The following KCNIP1 variants were observed in gnomAD, a reference collection of about 807,000 sequenced individuals.
KCNIP1 encodes the protein A-type potassium channel modulatory protein KCNIP1.
Under a neutral mutation model 33.0 loss-of-function variants are expected in KCNIP1, and 18 were observed. That is an observed-to-expected ratio of 0.55 (90% CI 0.38 to 0.81). The LOEUF (loss-of-function observed/expected upper bound fraction) is 0.81. KCNIP1 is among the 30% of genes least tolerant of loss of function. The probability of loss-of-function intolerance (pLI) is 0.00; values close to 1 mark genes in which losing one functional copy is unlikely to be tolerated. For synonymous variants in KCNIP1, 93 were observed against 98.3 expected, an observed-to-expected ratio of 0.95 and a Z score of 0.32; for missense variants, 238 against 271.6, an observed-to-expected ratio of 0.88 and a Z score of 0.87.
intron 1 of KCNIP1, among the ~76,000 whole-genome samples, chr5:170,514,137 A>G (rs1237819352): frequency 1.3e-5 from 2 of 152,164 alleles, no homozygotes; most frequent in Non-Finnish European, 2.9e-5. Flanking sequence ...AGTTACAGCT[A>G]GTTTCCCAAC....
At chr5:170,586,516 T>C (rs190838172) in intron 1 of KCNIP1, among the ~76,000 whole-genome samples, 13,155 of 152,240 alleles carry the variant, frequency 0.086, 633 homozygotes, top group South Asian at 0.12. Flanking sequence ...AAATTTACTG[T>C]CAGCAACAGG....
chr5:170,599,845 C>T (rs143435233), intron 1 of KCNIP1, among the ~76,000 whole-genome samples: 19 of 152,354 alleles, frequency 1.2e-4, no homozygotes, highest in African/African-American at 4.6e-4. Flanking sequence ...GTCAAACAAG[C>T]ACTTATTGAA....
At chr5:170,574,332 C>G (rs527382540) in intron 1 of KCNIP1, among the ~76,000 whole-genome samples, 1 of 152,298 alleles carries the variant, frequency 6.6e-6, no homozygotes, top group African/African-American at 2.4e-5. Flanking sequence ...ACTTGTAACA[C>G]TAAGCATTAA....
intron 1 of KCNIP1, among the ~76,000 whole-genome samples, chr5:170,663,859 C>T (rs532876557): frequency 4.6e-5 from 7 of 152,148 alleles, no homozygotes; most frequent in Admixed American, 6.5e-5. Flanking sequence ...CTGGCCTGTG[C>T]GTTCACTCCT....
chr5:170,383,280 CTGAGGT>C (rs1764324666), intron 1 of KCNIP1: 1 of 394,132 alleles, frequency 2.5e-6, no homozygotes, highest in East Asian at 4.5e-5. Flanking sequence ...CCTCATTTGA[CTGAGGT>C]TGTAGAATGA....
At chr5:170,669,578 GGAGT>G (rs1761839701) in intron 1 of KCNIP1, 1 of 985,348 alleles carries the variant, frequency 1.0e-6, no homozygotes, top group Non-Finnish European at 1.2e-6. Flanking sequence ...AGCAGGGGAT[GGAGT>G]GAGTGTGTGG....
At position 170,586,341 on chromosome 5, in the gene KCNIP1, G is replaced by A. The variant is rs367660615; in HGVS notation, c.61+81708G>A. ...ATTAGGTGCAGGATTAAGGTGTTGT[G>A]ATTGAGATGATGGTGACGATGATGA... On this transcript the variant is annotated intron_variant, in intron 1 of 7. Transcript: ENST00000328939. Among the ~76,000 whole-genome samples the A allele has an allele frequency of 1.1e-4, 17 of 152,324 alleles. No homozygotes were observed. The South Asian group carries it at 3.5e-3, about 32-fold the overall frequency.
intron 1 of KCNIP1, among the ~76,000 whole-genome samples, chr5:170,411,868 A>G (rs188376411): frequency 2.0e-5 from 3 of 152,300 alleles, no homozygotes; most frequent in Admixed American, 6.5e-5. Flanking sequence ...AGTGGAGGTC[A>G]GAAGAGGGGG....
At chr5:170,553,031 T>C (rs986529093) in intron 1 of KCNIP1, among the ~76,000 whole-genome samples, 1 of 152,236 alleles carries the variant, frequency 6.6e-6, no homozygotes, top group Non-Finnish European at 1.5e-5. Context: ...CCCAAGGCTA[T>C]GCAGAGGCCT....
rs146552386 is a variant in KCNIP1 at position 170,416,123 on chromosome 5, C to A, written c.88+62159C>A. On this transcript the variant is annotated intron_variant, in intron 1 of 7. Coordinates refer to the KCNIP1 transcript ENST00000377360. ...CAGATGTCCCAAGGTCCACCCCTGG[C>A]CCACTCTCACTCTCCTCTCTCCTTG... 2.0e-5 allele frequency among the ~76,000 whole-genome samples: 3 copies of A among 152,186 alleles called. No homozygotes were observed. In the East Asian group the frequency reaches 5.8e-4, roughly 30 times the overall value.
chr5:170,539,905 C>T (rs917340774), intron 1 of KCNIP1, among the ~76,000 whole-genome samples: 7 of 152,134 alleles, frequency 4.6e-5, no homozygotes, highest in African/African-American at 7.2e-5. Flanking sequence ...TTCTCAAGGT[C>T]GCAAATATTA....
At chr5:170,665,940 G>A (rs895121753) in intron 1 of KCNIP1, among the ~76,000 whole-genome samples, 4 of 152,118 alleles carry the variant, frequency 2.6e-5, no homozygotes, top group South Asian at 2.1e-4. Context: ...TTATCAACAC[G>A]ACCTATCACT....
chr5:170,542,209 C>T lies in KCNIP1; in HGVS notation c.61+37576C>T, dbSNP rs183452800. Among the ~76,000 whole-genome samples the T allele has an allele frequency of 4.6e-5, 7 of 152,284 alleles. No individual in the cohort carries two copies. In the East Asian group the frequency reaches 5.8e-4, roughly 13 times the overall value. On this transcript the variant is annotated intron_variant, in intron 1 of 7. Transcript: ENST00000328939. The stretch of plus-strand genomic sequence containing the variant: ...TAAGCACCTACTATGTGGCAGGCCG[C>T]GTCGTGACCCCCTGGAGAGAGAAAG...
At chr5:170,429,970 C>T (rs1484603377) in intron 1 of KCNIP1, among the ~76,000 whole-genome samples, 1 of 152,186 alleles carries the variant, frequency 6.6e-6, no homozygotes, top group East Asian at 1.9e-4. Flanking sequence ...CAGATCCTGA[C>T]CTTGATCTCA....
chr5:170,459,980 A>T (rs145743171), intron 1 of KCNIP1, among the ~76,000 whole-genome samples: 6,895 of 152,272 alleles, frequency 0.045, 384 homozygotes, highest in African/African-American at 0.13. Flanking sequence ...AATCCAAATA[A>T]GCTCAATTAG....
At chr5:170,610,645 G>C (rs564974911) in intron 1 of KCNIP1, among the ~76,000 whole-genome samples, 1 of 152,320 alleles carries the variant, frequency 6.6e-6, no homozygotes, top group East Asian at 1.9e-4. Context: ...CTCTGCCTCA[G>C]TTTCTTCATG....
At chr5:170,367,347 GAAAAAGAA>G (rs1561586667) in intron 1 of KCNIP1, among the ~76,000 whole-genome samples, 1 of 81,468 alleles carries the variant, frequency 1.2e-5, no homozygotes, top group African/African-American at 4.7e-5. Context: ...AAGAAGGAAA[GAAAAAGAA>G]AGAAAGAAAG....
At chr5:170,671,634 G>A (rs1323860896) in intron 1 of KCNIP1, among the ~76,000 whole-genome samples, 4 of 152,120 alleles carry the variant, frequency 2.6e-5, no homozygotes, top group African/African-American at 9.7e-5. Context: ...CCCCCAGTAT[G>A]CCACTAGTAT....
At chr5:170,422,044 G>A (rs1018860031) in intron 1 of KCNIP1, 2 of 152,214 alleles carry the variant, frequency 1.3e-5, no homozygotes, top group Non-Finnish European at 2.9e-5. Context: ...TTGGCATTGA[G>A]AGTGTTTTCA....
Sources: gnomAD v4.1 joint callset for allele counts (sites outside exome capture counted in the v4.1 genomes callset) on GRCh38, gnomAD v4.1.1 for gene constraint, MANE v1.5 for transcripts, NCBI Gene and HGNC (gene_info 2026-07-23, HGNC 2026-07-21) for gene names.